CNTNAP2: variants seen among roughly 807,000 people sequenced by gnomAD.
CNTNAP2 encodes contactin-associated protein-like 2.
CNTNAP2 carries 98 observed loss-of-function variants against 155.2 expected under a neutral mutation model. The observed-to-expected ratio is 0.63, with a 90% confidence interval of 0.54 to 0.75. CNTNAP2 has a LOEUF of 0.75. CNTNAP2 is among the 30% of genes least tolerant of loss of function. The pLI, the probability that CNTNAP2 is intolerant of heterozygous loss-of-function variation, is 0.00. For missense variants in CNTNAP2, 1,727 were observed against 1,688.1 expected (o/e 1.02, Z -0.40); for synonymous variants, 651 against 631.2 (o/e 1.03, Z -0.47).
rs138299859 is a variant in CNTNAP2, at chr7:147,773,058, A to T, written c.2099-130507A>T. Among the ~76,000 whole-genome samples the T allele has an allele frequency of 4.3e-3, 655 of 152,284 alleles. 5 individuals carry two copies. Among genetic ancestry groups the T allele is most frequent in the African/African-American group, 0.015 (630 of 41,556 alleles). ...TTCAGACTTTCTTTAAGAAAGTTAT[A>T]TCTTAATCATATATGAATACCCTCA... On this transcript the variant is annotated intron_variant, in intron 13 of 23. Coordinates refer to ENST00000361727, the MANE Select transcript of CNTNAP2 (RefSeq NM_014141.6).
chr7:146,922,276 G>A (rs1028497750), intron 3 of CNTNAP2, among the ~76,000 whole-genome samples: 6 of 146,894 alleles, frequency 4.1e-5, no homozygotes, highest in Non-Finnish European at 7.5e-5. Context: ...AAAAAAAAAC[G>A]CCACTTTCAG....
chr7:147,486,524 C>T (rs535329151), intron 11 of CNTNAP2, among the ~76,000 whole-genome samples: 22 of 151,308 alleles, frequency 1.5e-4, no homozygotes, highest in Admixed American at 1.3e-4. Flanking sequence ...GAAATGAGTC[C>T]GAAATGGAAT....
intron 3 of CNTNAP2, among the ~76,000 whole-genome samples, chr7:146,863,822 T>C (rs948597952): frequency 6.6e-6 from 1 of 152,098 alleles, no homozygotes; most frequent in Non-Finnish European, 1.5e-5. Flanking sequence ...CAAAAAGTGT[T>C]AGTTGCTATT....
At chr7:147,638,413 C>T (rs1021000579) in intron 12 of CNTNAP2, among the ~76,000 whole-genome samples, 1 of 152,202 alleles carries the variant, frequency 6.6e-6, no homozygotes, top group African/African-American at 2.4e-5. Flanking sequence ...ATAACATTAT[C>T]TTAGGTTCTT....
intron 10 of CNTNAP2, among the ~76,000 whole-genome samples, chr7:147,415,364 C>T (rs1257561915): frequency 6.6e-6 from 1 of 152,196 alleles, no homozygotes; most frequent in Non-Finnish European, 1.5e-5. Flanking sequence ...CTTGAATTGT[C>T]ATCCCCATAA....
At chr7:148,155,332 G>T (rs1322346166) in intron 17 of CNTNAP2, among the ~76,000 whole-genome samples, 1 of 152,176 alleles carries the variant, frequency 6.6e-6, no homozygotes, top group Non-Finnish European at 1.5e-5. Context: ...GGGCTGTTGC[G>T]ACAGGGTAGA....
chr7:147,842,696 C>T (rs201355192), intron 13 of CNTNAP2, among the ~76,000 whole-genome samples: 11 of 103,078 alleles, frequency 1.1e-4, no homozygotes, highest in Non-Finnish European at 1.3e-4. Flanking sequence ...CACCCACTAA[C>T]GTGTCATCTA....
intron 4 of CNTNAP2, among the ~76,000 whole-genome samples, chr7:147,056,349 T>C (rs755287601): frequency 5.9e-5 from 9 of 152,138 alleles, no homozygotes; most frequent in Non-Finnish European, 8.8e-5. Context: ...TTCCTAAACT[T>C]TGAAGTGCAA....
At chr7:147,789,714 A>C (rs1304336192) in intron 13 of CNTNAP2, among the ~76,000 whole-genome samples, 3 of 152,224 alleles carry the variant, frequency 2.0e-5, no homozygotes, top group Admixed American at 6.5e-5. Context: ...GGCAAGAAAA[A>C]GCAGGCGGAA....
At chr7:147,475,106 C>T (rs1798293772) in intron 10 of CNTNAP2, among the ~76,000 whole-genome samples, 1 of 152,132 alleles carries the variant, frequency 6.6e-6, no homozygotes, top group Non-Finnish European at 1.5e-5. Context: ...TTACATTGTA[C>T]AGACTCCCTT....
intron 1 of CNTNAP2, among the ~76,000 whole-genome samples, chr7:146,377,855 G>C (rs1015182290): frequency 6.6e-6 from 1 of 152,212 alleles, no homozygotes; most frequent in South Asian, 2.1e-4. Flanking sequence ...TGGATTATGA[G>C]TAATATAACA....
rs570762786 is a variant in CNTNAP2, at chr7:146,732,419, A to T, written c.98-41852A>T. ...ACTCCTTGCTGCTAACCAGTAAGTC[A>T]GTGAGGAAAATATTGTATGTCAGAT... On this transcript the variant is annotated intron_variant, in intron 1 of 23. Coordinates refer to ENST00000361727, the MANE Select transcript of CNTNAP2 (RefSeq NM_014141.6). 1.8e-4 allele frequency among the ~76,000 whole-genome samples: 27 copies of T among 152,278 alleles called. No homozygotes were observed. In the South Asian group the frequency reaches 5.0e-3, roughly 28 times the overall value.
At chr7:148,016,321 C>T (rs1352573620) in intron 15 of CNTNAP2, among the ~76,000 whole-genome samples, 1 of 152,314 alleles carries the variant, frequency 6.6e-6, no homozygotes, top group Middle Eastern at 3.4e-3. Context: ...AGGTGCCTGA[C>T]TTGTGTTGGG....
At chr7:147,340,826 A>G (rs766992860) in intron 9 of CNTNAP2, among the ~76,000 whole-genome samples, 12 of 151,984 alleles carry the variant, frequency 7.9e-5, no homozygotes, top group African/African-American at 2.7e-4. Context: ...TACAATCACT[A>G]TCTTTTTGAC....
chr7:147,925,387 C>G (rs1250320426), intron 14 of CNTNAP2, among the ~76,000 whole-genome samples: 1 of 151,712 alleles, frequency 6.6e-6, no homozygotes, highest in African/African-American at 2.4e-5. Context: ...ACTCATGAAC[C>G]TACATTGACA....
intron 12 of CNTNAP2, among the ~76,000 whole-genome samples, chr7:147,618,741 T>A (rs1020448118): frequency 3.3e-5 from 5 of 151,512 alleles, no homozygotes; most frequent in African/African-American, 1.2e-4. Context: ...ACTTATACGA[T>A]TAAGAAACTG....
intron 8 of CNTNAP2, among the ~76,000 whole-genome samples, chr7:147,293,690 C>A (rs1805360276): frequency 6.6e-6 from 1 of 151,902 alleles, no homozygotes; most frequent in Non-Finnish European, 1.5e-5. Flanking sequence ...TTCATTAAAC[C>A]AGTCTTTTCT....
chr7:146,163,513 A>C (rs532386082), intron 1 of CNTNAP2, among the ~76,000 whole-genome samples: 35 of 53,176 alleles, frequency 6.6e-4, no homozygotes, highest in Admixed American at 6.2e-3. Context: ...ATATCTATAT[A>C]TATCTATATA....
At chr7:147,264,453 A>C (rs951910220) in intron 8 of CNTNAP2, among the ~76,000 whole-genome samples, 5 of 151,842 alleles carry the variant, frequency 3.3e-5, no homozygotes, top group African/African-American at 7.2e-5. Flanking sequence ...AGTGGGATAA[A>C]ATTTCAGGAA....
Sources: gnomAD v4.1 joint callset for allele counts (sites outside exome capture counted in the v4.1 genomes callset) on GRCh38, gnomAD v4.1.1 for gene constraint, MANE v1.5 for transcripts, NCBI Gene and HGNC (gene_info 2026-07-23, HGNC 2026-07-21) for gene names.